The following NCOR2 variants were observed in gnomAD, a reference collection of about 807,000 sequenced individuals.
NCOR2 encodes CTG repeat protein 26.
In NCOR2, 81 loss-of-function variants were observed where a neutral mutation model predicts 262.9. The ratio of observed to expected loss-of-function variants is 0.31; its 90% CI spans 0.26 to 0.37. The LOEUF is 0.37. NCOR2 is among the 10% of genes least tolerant of loss of function. The pLI is 1.00. For missense variants in NCOR2, 3,385 were observed against 3,621.4 expected (o/e 0.93, Z 1.68); for synonymous variants, 1,659 against 1,559.3 (o/e 1.06, Z -1.51).
intron 41 of NCOR2, among the ~76,000 whole-genome samples, 174 bp from the exon 44 acceptor site, chr12:124,333,453 T>C (rs2035408753): frequency 1.3e-5 from 2 of 150,558 alleles, no homozygotes; most frequent in Admixed American, 6.6e-5. Context: ...ATCATTTTTA[T>C]TTTTTTTTTA....
Position 124,454,474 on chromosome 12 carries a change from A to C in NCOR2, c.762+2632T>G, listed in dbSNP as rs1340838374. Among the ~76,000 whole-genome samples the C allele has an allele frequency of 6.6e-6, 1 of 151,166 alleles. No individual in the cohort carries two copies. Among genetic ancestry groups the C allele is most frequent in the East Asian group, 1.9e-4 (1 of 5,134 alleles). ...AAGCTTCTGACACCAGCAGCTGCCC[A>C]CCCCCATCTGCCCACAGACTCCCAC... On this transcript the variant is annotated intron_variant, in intron 6 of 46. Transcript: ENST00000405201. The surrounding 1 kb of genome is among the most constrained non-coding windows in gnomAD (Gnocchi z 5.6).
intron 28 of NCOR2, 69 bp downstream of exon 30, chr12:124,350,518 T>C: frequency 6.4e-7 from 1 of 1,556,940 alleles, no homozygotes; most frequent in Non-Finnish European, 8.7e-7. Context: ...TGCCTCCCTG[T>C]GAAGCTACCT....
chr12:124,330,959 A>G, intron 43 of NCOR2, 61 bp from the exon 46 acceptor site: 4 of 1,531,410 alleles, frequency 2.6e-6, no homozygotes, highest in Non-Finnish European at 3.5e-6. Context: ...CTGCCCTACC[A>G]GTCCCGTGTG....
At chr12:124,346,114 G>A (rs556603004) in intron 31 of NCOR2, among the ~76,000 whole-genome samples, 23 of 152,296 alleles carry the variant, frequency 1.5e-4, no homozygotes, top group South Asian at 6.2e-4. Flanking sequence ...TGGGTGAGTC[G>A]TTGAACCTCT....
intron 46 of NCOR2, 22 bp downstream of exon 48, chr12:124,326,169 C>T: frequency 2.0e-6 from 3 of 1,495,226 alleles, no homozygotes; most frequent in Non-Finnish European, 2.7e-6. Flanking sequence ...CGAGCCCAGC[C>T]CTGTCCCCAC....
In NCOR2 at chr12:124,458,438, C is replaced by T. The variant is rs559381871; in HGVS notation, c.706-1276G>A. Among the ~76,000 whole-genome samples, 214 of 152,290 alleles carry T rather than the reference C, an allele frequency of 1.4e-3. 1 individual carries two copies. The highest frequency in any genetic ancestry group is 4.7e-3 in the African/African-American group (194 of 41,562). ...CTGCCTCCGCCTACAGCCCAGAGCCCGGCCCACCAAGAGCAGAGCCATGCT... is the reference window on the plus strand; with the variant it reads ...CTGCCTCCGCCTACAGCCCAGAGCCTGGCCCACCAAGAGCAGAGCCATGCT... On this transcript the variant is annotated intron_variant, in intron 5 of 46. Transcript: ENST00000405201.
intron 7 of NCOR2, among the ~76,000 whole-genome samples, chr12:124,448,989 C>T (rs1478614216): frequency 1.3e-5 from 2 of 152,206 alleles, no homozygotes; most frequent in African/African-American, 2.4e-5. Flanking sequence ...CAGCCCACCA[C>T]GTGGCCATAT....
At chr12:124,325,376 C>CGGGGGGG in exon 47 of NCOR2, 1 of 426,506 alleles carries the variant, frequency 2.3e-6, no homozygotes, top group Non-Finnish European at 3.4e-6. Flanking sequence ...GACCTGACAC[C>CGGGGGGG]GCCCCCCCCC....
chr12:124,510,981 C>T (rs940593250), intron 1 of NCOR2, among the ~76,000 whole-genome samples: 3 of 152,254 alleles, frequency 2.0e-5, no homozygotes, highest in Non-Finnish European at 4.4e-5. Context: ...ACACAAGATC[C>T]ATGAAGCAAG....
intron 5 of NCOR2, among the ~76,000 whole-genome samples, chr12:124,462,478 G>A (rs1017029925): frequency 6.6e-6 from 1 of 152,242 alleles, no homozygotes; most frequent in Non-Finnish European, 1.5e-5. Context: ...CCCGTGCAGA[G>A]CTCTCCCAGG....
chr12:124,335,845 C>G (rs576770584), intron 38 of NCOR2: 5 of 569,224 alleles, frequency 8.8e-6, no homozygotes, highest in Non-Finnish European at 1.6e-5. Flanking sequence ...ATGCAGAGCC[C>G]GGGACAGAGA....
chr12:124,477,267 C>T (rs1319127941), intron 3 of NCOR2, among the ~76,000 whole-genome samples: 1 of 152,192 alleles, frequency 6.6e-6, no homozygotes, highest in Non-Finnish European at 1.5e-5. Flanking sequence ...CTCATGAGAT[C>T]TGATGGTTTA....
At chr12:124,484,077 C>G (rs952416602) in intron 2 of NCOR2, among the ~76,000 whole-genome samples, 1 of 152,172 alleles carries the variant, frequency 6.6e-6, no homozygotes, top group African/African-American at 2.4e-5. Context: ...ACCGTCCCCA[C>G]CTGGGGCTGG....
At chr12:124,428,281 C>T (rs904751161) in intron 10 of NCOR2, among the ~76,000 whole-genome samples, 3 of 152,212 alleles carry the variant, frequency 2.0e-5, no homozygotes, top group Non-Finnish European at 4.4e-5. Flanking sequence ...CTTCGAGGGC[C>T]GGGCCCTGTG....
intron 7 of NCOR2, among the ~76,000 whole-genome samples, chr12:124,448,378 G>T (rs2045314411): frequency 6.6e-6 from 1 of 152,196 alleles, no homozygotes; most frequent in African/African-American, 2.4e-5. Flanking sequence ...AGTCAAAAGG[G>T]ATCTGGGACC....
chr12:124,349,531 G>A (rs945898464), intron 28 of NCOR2, among the ~76,000 whole-genome samples: 8 of 152,160 alleles, frequency 5.3e-5, no homozygotes, highest in Admixed American at 1.3e-4. Flanking sequence ...ACCGGTGGCC[G>A]CAGGGGAGTG....
chr12:124,348,063 T>A (rs2037096302), intron 29 of NCOR2, 111 bp downstream of exon 31: 1 of 1,537,998 alleles, frequency 6.5e-7, no homozygotes. Context: ...TACCTCCAGA[T>A]GGAGCCTCAG....
chr12:124,429,758 C>T, intron 9 of NCOR2, 52 bp from the exon 12 acceptor site: 1 of 1,494,610 alleles, frequency 6.7e-7, no homozygotes, highest in South Asian at 1.2e-5. Context: ...GTCGGGGACA[C>T]TAGCAGACCC....
chr12:124,325,705 C>T, intron 46 of NCOR2, 122 bp from the exon 49 acceptor site: 1 of 619,056 alleles, frequency 1.6e-6, no homozygotes, highest in Non-Finnish European at 2.4e-6. Flanking sequence ...CCTCCCAGAC[C>T]TTTCTAATTG....
Sources: gnomAD v4.1 joint callset for allele counts (sites outside exome capture counted in the v4.1 genomes callset) on GRCh38, gnomAD v4.1.1 for gene constraint, Gnocchi (gnomAD v3.1) non-coding constraint, MANE v1.5 for transcripts, NCBI Gene and HGNC (gene_info 2026-07-23, HGNC 2026-07-21) for gene names.